The following PCSK2 variants were observed in gnomAD, a reference collection of about 807,000 sequenced individuals.
PCSK2 encodes neuroendocrine convertase 2.
Under a neutral mutation model 69.7 loss-of-function variants are expected in PCSK2, and 14 were observed. The ratio of observed to expected loss-of-function variants is 0.20; its 90% CI spans 0.13 to 0.31. PCSK2 has a LOEUF of 0.31. Among genes scored for constraint, PCSK2 ranks in the 10% least tolerant of loss-of-function variants. The pLI, the probability that PCSK2 is intolerant of heterozygous loss-of-function variation, is 1.00. For missense variants in PCSK2, 544 were observed against 842.5 expected (o/e 0.65, Z 4.39); for synonymous variants, 307 against 320.7 (o/e 0.96, Z 0.46).
chr20:17,461,407 C>T (rs1022171199), intron 10 of PCSK2, among the ~76,000 whole-genome samples: 16 of 152,086 alleles, frequency 1.1e-4, no homozygotes, highest in African/African-American at 3.6e-4. Context: ...GGATCTTTTA[C>T]GACTCCAAAC....
chr20:17,286,157 A>G (rs1352042299), intron 2 of PCSK2, among the ~76,000 whole-genome samples: 1 of 152,206 alleles, frequency 6.6e-6, no homozygotes, highest in Non-Finnish European at 1.5e-5. Context: ...CTCCACATGA[A>G]CAAGGTTTGG....
At chr20:17,329,728 T>G (rs1339983385) in intron 2 of PCSK2, among the ~76,000 whole-genome samples, 1 of 152,262 alleles carries the variant, frequency 6.6e-6, no homozygotes, top group African/African-American at 2.4e-5. Flanking sequence ...TATTTGCATG[T>G]ATTAACTCAT....
At chr20:17,401,211 T>C (rs2031628843) in intron 5 of PCSK2, among the ~76,000 whole-genome samples, 1 of 152,248 alleles carries the variant, frequency 6.6e-6, no homozygotes, top group Non-Finnish European at 1.5e-5. Context: ...ATCAAGTTTT[T>C]TAGTCTGTTT....
chr20:17,455,165 C>T (rs2032896336), intron 9 of PCSK2, among the ~76,000 whole-genome samples: 2 of 152,038 alleles, frequency 1.3e-5, no homozygotes, highest in Non-Finnish European at 2.9e-5. Context: ...AATTTGTCCT[C>T]GACCCGTATT....
intron 5 of PCSK2, among the ~76,000 whole-genome samples, chr20:17,386,374 A>C (rs1056078212): frequency 6.6e-6 from 1 of 152,222 alleles, no homozygotes; most frequent in Non-Finnish European, 1.5e-5. Context: ...TGGAGAAGCA[A>C]AATGTATTAC....
In PCSK2 at chr20:17,453,297, T is replaced by A. The variant is rs2032860007; in HGVS notation, c.886-445T>A. ...TAGCTTATGTAGCTAAGAAAAATTA[T>A]ATGTCCATATACTTGCATTTTCACT... is the stretch of plus-strand genomic sequence containing the variant. On this transcript the variant is annotated intron_variant, in intron 8 of 11. Transcript: ENST00000262545. The surrounding 1 kb of genome is among the most constrained non-coding windows in gnomAD (Gnocchi z 4.0). 6.6e-6 allele frequency among the ~76,000 whole-genome samples: 1 copy of A among 152,188 alleles called. No individual in the cohort carries two copies. Among genetic ancestry groups the A allele is most frequent in the Non-Finnish European group, 1.5e-5 (1 of 68,034 alleles).
chr20:17,387,420 T>C (rs1301770969), intron 5 of PCSK2, among the ~76,000 whole-genome samples: 2 of 152,170 alleles, frequency 1.3e-5, no homozygotes, highest in African/African-American at 4.8e-5. Flanking sequence ...AGTCAGCATG[T>C]TGGCCATGAC....
chr20:17,360,022 C>A (rs775984351), intron 3 of PCSK2, among the ~76,000 whole-genome samples: 14 of 152,172 alleles, frequency 9.2e-5, no homozygotes, highest in Non-Finnish European at 7.3e-5. Context: ...TACTTTTGAA[C>A]AAGACTTAGT....
At chr20:17,235,073 G>A (rs1480868847) in intron 1 of PCSK2, among the ~76,000 whole-genome samples, 1 of 152,164 alleles carries the variant, frequency 6.6e-6, no homozygotes, top group East Asian at 1.9e-4. Context: ...ATGTATAGTT[G>A]TGTATTAATG....
At chr20:17,419,418 T>C (rs954820976) in intron 6 of PCSK2, among the ~76,000 whole-genome samples, 1 of 152,234 alleles carries the variant, frequency 6.6e-6, no homozygotes, top group Admixed American at 6.5e-5. Context: ...TAGCTTGCAA[T>C]GAGCAAAATA....
intron 2 of PCSK2, among the ~76,000 whole-genome samples, chr20:17,310,467 CTGGT>C (rs1989469902): frequency 6.6e-6 from 1 of 152,072 alleles, no homozygotes; most frequent in Admixed American, 6.6e-5. Context: ...ATAGCCAACA[CTGGT>C]TGAGAACTTG....
intron 10 of PCSK2, among the ~76,000 whole-genome samples, chr20:17,460,599 A>G (rs917607521): frequency 6.6e-6 from 1 of 152,248 alleles, no homozygotes; most frequent in Non-Finnish European, 1.5e-5. Flanking sequence ...AGCAAGTTAG[A>G]TCATCAATAA....
At position 17,227,384 on chromosome 20, in the gene PCSK2, C is replaced by A; in HGVS notation, c.79C>A (p.Arg27=). The A allele has an allele frequency of 1.2e-6, 2 of 1,613,750 alleles. No homozygotes were observed. The highest frequency in any genetic ancestry group is 1.1e-5 in the South Asian group (1 of 91,070). The change falls in exon 1 of 12, where the codon CGA becomes AGA. Residue 27 remains arginine, a synonymous_variant. Transcript: ENST00000262545. ...FCVMVFASAE[R]PVFTNHFLVE... ...TGTCATGGTTTTTGCATCTGCTGAG[C>A]GACCGGTCTTCACGAATCATTTTCT...
At chr20:17,249,010 A>T (rs954111428) in intron 1 of PCSK2, among the ~76,000 whole-genome samples, 1 of 152,120 alleles carries the variant, frequency 6.6e-6, no homozygotes, top group Admixed American at 6.5e-5. Context: ...AGGCAGCTAG[A>T]CCAAGCCAGG....
chr20:17,451,955 G>C, intron 8 of PCSK2, among the ~76,000 whole-genome samples: 1 of 118,224 alleles, frequency 8.5e-6, no homozygotes. Flanking sequence ...GTCTCGTTCT[G>C]TCACCCGGGC....
chr20:17,402,862 C>G (rs368897582), intron 5 of PCSK2, among the ~76,000 whole-genome samples: 1 of 151,572 alleles, frequency 6.6e-6, no homozygotes. Flanking sequence ...GAGGCTGAGG[C>G]GGGAGAATGG....
rs1555780457 is a variant in PCSK2, at chr20:17,239,870, T to TTTTG, written c.177+12388_177+12389insTTTG. Among the ~76,000 whole-genome samples the TTTTG allele has an allele frequency of 9.2e-4, 132 of 143,046 alleles. 1 individual carries two copies. The highest frequency in any genetic ancestry group is 3.2e-3 in the African/African-American group (120 of 37,862). The allele number at this position is 143,046 out of a possible 152,430, so 93.8% of individuals were successfully genotyped here. On this transcript the variant is annotated intron_variant, in intron 1 of 11. Coordinates refer to ENST00000262545, the MANE Select transcript of PCSK2 (RefSeq NM_002594.5). ...TTTTTTTTTTTTTTTTTTTTTTTTT[T>TTTTG]GTGAGATGAAGTCTCACTCTGTTGC... is the stretch of plus-strand genomic sequence containing the variant.
intron 5 of PCSK2, among the ~76,000 whole-genome samples, chr20:17,373,371 A>G (rs2030830333): frequency 6.6e-6 from 1 of 152,082 alleles, no homozygotes; most frequent in South Asian, 2.1e-4. Flanking sequence ...TTTATGTGAC[A>G]ACTTCGTCAG....
chr20:17,397,791 T>C (rs970324459), intron 5 of PCSK2, among the ~76,000 whole-genome samples: 3 of 152,176 alleles, frequency 2.0e-5, no homozygotes, highest in Admixed American at 1.3e-4. Context: ...TCAATAATAT[T>C]ATGCTTAGTA....
Sources: allele counts gnomAD v4.1 joint callset (sites outside exome capture counted in the v4.1 genomes callset), GRCh38; gene constraint gnomAD v4.1.1; non-coding constraint Gnocchi (gnomAD v3.1); transcripts MANE v1.5; gene names NCBI Gene and HGNC (gene_info 2026-07-23, HGNC 2026-07-21).